Variants in BTK observed in about 807,000 individuals in gnomAD.
BTK encodes the protein tyrosine-protein kinase BTK.
A neutral mutation model predicts 57.4 loss-of-function variants in BTK; 5 were observed. The observed-to-expected ratio is 0.09, with a 90% CI of 0.05 to 0.18. The LOEUF (loss-of-function observed/expected upper bound fraction) is 0.18. Ranked by LOEUF, BTK falls within the 10% of genes least tolerant of loss-of-function variation. BTK has a pLI of 1.00. For missense variants in BTK, 194 were observed against 501.2 expected, an observed-to-expected ratio of 0.39 and a Z score of 5.85; for synonymous variants, 154 against 174.3, an observed-to-expected ratio of 0.88 and a Z score of 0.92.
intron 1 of BTK, among the ~76,000 whole-genome samples, chrX:101,379,395 CCT>C (rs1927335938): frequency 9.0e-6 from 1 of 111,303 alleles, no homozygotes; most frequent in African/African-American, 3.3e-5. Flanking sequence ...CTGGCCATTC[CCT>C]GTCTTTCCTT....
chrX:101,385,848 G>T (rs1437886287), intron 1 of BTK, among the ~76,000 whole-genome samples: 1 of 110,782 alleles, frequency 9.0e-6, no homozygotes, highest in African/African-American at 3.3e-5. Context: ...TTCCTGTTCC[G>T]CCCACCCTCA....
intron 15 of BTK, 51 bp downstream of exon 15, chrX:101,356,001 A>G (rs782342481): frequency 8.8e-7 from 1 of 1,136,951 alleles, no homozygotes; most frequent in Non-Finnish European, 1.2e-6. Flanking sequence ...TTCCACTGCT[A>G]CTTCCACCCC....
Position 101,360,254 on chromosome X carries a change from G to A in BTK, c.777-104C>T, listed in dbSNP as rs192863167. On this transcript the variant is annotated intron_variant, in intron 8 of 18. Coordinates refer to ENST00000308731, the MANE Select transcript of BTK (RefSeq NM_000061.3). ...AGCTCAGAACAAATCTCAAATGGAG[G>A]TATATGTATCATGCACCTCCCTCAA... 2.0e-3 allele frequency: 1,237 copies of A among 614,526 alleles called. 2 individuals carry two copies. Among genetic ancestry groups the A allele is most frequent in the Middle Eastern group, 4.9e-3 (16 of 3,235 alleles). The allele number at this position is 614,526 out of a possible 1,213,427, so 50.6% of individuals were successfully genotyped here.
intron 18 of BTK, 94 bp downstream of exon 18, chrX:101,353,100 G>T: frequency 1.3e-4 from 93 of 715,097 alleles, no homozygotes; most frequent in Non-Finnish European, 1.8e-4. Context: ...AAAAAAGAAT[G>T]TGTGCAGCTA....
intron 12 of BTK, 103 bp from the exon 13 acceptor site, chrX:101,357,686 T>C (rs1555978051): frequency 1.4e-6 from 1 of 689,890 alleles, no homozygotes; most frequent in African/African-American, 2.1e-5. Context: ...ATCTTTCTAG[T>C]ACATTTTGAA....
rs782609610 is a variant in BTK at position 101,353,189 on chromosome X, C to A, written c.1908+5G>T. On this transcript the variant is annotated splice_donor_5th_base_variant and intron_variant, in intron 18 of 18. Transcript: ENST00000308731. Reference sequence around the variant, plus strand: ...TAATTTAAGAGATCCTAATAAAGCACTTACCTCATGCCAGCAACTGTACAT... The same window carrying A: ...TAATTTAAGAGATCCTAATAAAGCAATTACCTCATGCCAGCAACTGTACAT... 7.5e-6 allele frequency: 9 copies of A among 1,206,703 alleles called. No homozygotes were observed. Among genetic ancestry groups the A allele is most frequent in the Non-Finnish European group, 1.0e-5 (9 of 893,549 alleles).
intron 1 of BTK, among the ~76,000 whole-genome samples, chrX:101,376,783 T>G (rs1368759419): frequency 1.8e-5 from 2 of 111,330 alleles, no homozygotes; most frequent in Admixed American, 9.6e-5. Flanking sequence ...CTCCTTATGC[T>G]TTTGGTGGCA....
intron 15 of BTK, 79 bp downstream of exon 15, chrX:101,355,973 A>T (rs782759884): frequency 4.6e-5 from 47 of 1,021,823 alleles, no homozygotes; most frequent in Non-Finnish European, 6.3e-5. Context: ...AGCCCCCCTC[A>T]ACCATGTATG....
chrX:101,354,721 A>G (rs1926408726), intron 15 of BTK, 27 bp from the exon 16 acceptor site: 1 of 1,192,387 alleles, frequency 8.4e-7, no homozygotes, highest in South Asian at 1.8e-5. Flanking sequence ...GACCAGTGAG[A>G]CTCCGTCCCC....
intron 5 of BTK, among the ~76,000 whole-genome samples, chrX:101,368,775 CT>C (rs782069527): frequency 1.8e-5 from 2 of 112,221 alleles, no homozygotes; most frequent in African/African-American, 6.5e-5. Context: ...ATAGATGATC[CT>C]TCATCTTCGT....
chrX:101,385,398 C>T (rs185546808), intron 1 of BTK, among the ~76,000 whole-genome samples: 17 of 112,140 alleles, frequency 1.5e-4, no homozygotes, highest in African/African-American at 4.2e-4. Context: ...AAGGGTTGGC[C>T]GCACTGTCTG....
intron 18 of BTK, among the ~76,000 whole-genome samples, chrX:101,350,961 C>T (rs1227769712): frequency 3.6e-5 from 4 of 111,927 alleles, no homozygotes; most frequent in Non-Finnish European, 7.5e-5. Context: ...CCACTTCAGG[C>T]ATAGCTAATC....
intron 1 of BTK, among the ~76,000 whole-genome samples, chrX:101,383,394 A>G (rs1248089687): frequency 8.9e-6 from 1 of 112,192 alleles, no homozygotes; most frequent in Non-Finnish European, 1.9e-5. Flanking sequence ...GCATTTTGAT[A>G]CATACTGCCA....
intron 9 of BTK, 79 bp downstream of exon 9, chrX:101,360,009 T>TATAA: frequency 3.9e-6 from 1 of 253,558 alleles, no homozygotes; most frequent in Non-Finnish European, 6.3e-6. Flanking sequence ...ATAAAATATA[T>TATAA]ATAAATAAAT....
intron 16 of BTK, among the ~76,000 whole-genome samples, chrX:101,354,389 G>T (rs1173030545): frequency 9.0e-6 from 1 of 111,009 alleles, no homozygotes; most frequent in Non-Finnish European, 1.9e-5. Flanking sequence ...TGGGGAAATA[G>T]ATTTAAAAAA....
At chrX:101,353,070 TAAAAAA>T in intron 18 of BTK, 118 bp downstream of exon 18, 1 of 592,816 alleles carries the variant, frequency 1.7e-6, no homozygotes, top group Non-Finnish European at 2.5e-6. Flanking sequence ...TGTCTCAAAT[TAAAAAA>T]AAAAAAAAAG....
At chrX:101,377,425 TA>T (rs1465332762) in intron 1 of BTK, among the ~76,000 whole-genome samples, 1 of 111,489 alleles carries the variant, frequency 9.0e-6, no homozygotes, top group Non-Finnish European at 1.9e-5. Context: ...AAACCCTAAA[TA>T]AATTGAGTAC....
chrX:101,373,284 A>G (rs1927099077), intron 3 of BTK, among the ~76,000 whole-genome samples: 1 of 111,676 alleles, frequency 9.0e-6, no homozygotes, highest in African/African-American at 3.3e-5. Context: ...AAATTATCAT[A>G]AGGAAAAGAA....
At chrX:101,387,905 C>T (rs1250555670), upstream of BTK, among the ~76,000 whole-genome samples, 75 of 102,265 alleles carry the variant, frequency 7.3e-4, no homozygotes, top group Non-Finnish European at 1.3e-3. Context: ...CTTGCCCTGT[C>T]GCCCAGGCTG....
Sources: allele counts gnomAD v4.1 joint callset (sites outside exome capture counted in the v4.1 genomes callset), GRCh38; gene constraint gnomAD v4.1.1; transcripts MANE v1.5; gene names NCBI Gene and HGNC (gene_info 2026-07-23, HGNC 2026-07-21).